Variants in MAP3K20 observed in about 807,000 individuals in gnomAD.
MAP3K20 encodes the protein mitogen-activated protein kinase kinase kinase 20.
In MAP3K20, 40 loss-of-function variants were observed where a neutral mutation model predicts 85.7. The observed-to-expected ratio is 0.47, with a 90% CI of 0.36 to 0.61. The LOEUF (loss-of-function observed/expected upper bound fraction) is 0.61. MAP3K20 is among the 20% of genes least tolerant of loss of function. The probability of loss-of-function intolerance (pLI) is 0.00; values close to 1 mark genes in which losing one functional copy is unlikely to be tolerated. For missense variants in MAP3K20, 817 were observed against 961.7 expected (o/e 0.85, Z 1.99); for synonymous variants, 325 against 327.7 (o/e 0.99, Z 0.09).
intron 2 of MAP3K20, among the ~76,000 whole-genome samples, chr2:173,144,336 A>G (rs1325361598): frequency 3.3e-5 from 5 of 151,396 alleles, no homozygotes; most frequent in South Asian, 2.1e-4. Context: ...GGTGGTGGGC[A>G]CCTGTAGTCC....
intron 2 of MAP3K20, among the ~76,000 whole-genome samples, chr2:173,142,438 C>T (rs1456812002): frequency 6.6e-6 from 1 of 151,338 alleles, no homozygotes; most frequent in Non-Finnish European, 1.5e-5. Flanking sequence ...TGCCACTGCA[C>T]TCCAGCCTGG....
intron 2 of MAP3K20, among the ~76,000 whole-genome samples, chr2:173,155,502 T>C (rs1014898248): frequency 2.6e-5 from 4 of 152,156 alleles, no homozygotes; most frequent in Admixed American, 2.6e-4. Context: ...GTTGGGTGAA[T>C]GTTGAATGGA....
chr2:173,232,496 C>G, intron 14 of MAP3K20, 37 bp downstream of exon 14: 2 of 1,600,892 alleles, frequency 1.2e-6, no homozygotes, highest in Non-Finnish European at 1.7e-6. Context: ...TCAGCAAACC[C>G]TTTTTTTGTT....
intron 2 of MAP3K20, among the ~76,000 whole-genome samples, chr2:173,128,833 T>A (rs1046296935): frequency 6.6e-6 from 1 of 151,958 alleles, no homozygotes; most frequent in Admixed American, 6.6e-5. Flanking sequence ...GTGGTAATTT[T>A]AAAATTTAAA....
At chr2:173,211,254 A>G (rs1683883266) in intron 10 of MAP3K20, 1 of 152,084 alleles carries the variant, frequency 6.6e-6, no homozygotes, top group African/African-American at 2.4e-5. Flanking sequence ...CAGAGCAAGA[A>G]TCATTCTCAA....
chr2:173,139,474 G>A (rs3769187), intron 2 of MAP3K20, among the ~76,000 whole-genome samples: 40,800 of 151,964 alleles, frequency 0.27, 6,727 homozygotes, highest in Non-Finnish European at 0.37. Flanking sequence ...TGCTTGTTTG[G>A]ACCAAGGATA....
intron 2 of MAP3K20, among the ~76,000 whole-genome samples, chr2:173,093,214 C>A (rs1353084462): frequency 2.6e-5 from 4 of 152,124 alleles, no homozygotes; most frequent in African/African-American, 4.8e-5. Context: ...TGGCTTCTGG[C>A]TAGGTGTTTT....
chr2:173,236,460 C>T (rs1304802372), intron 14 of MAP3K20, among the ~76,000 whole-genome samples: 1 of 152,018 alleles, frequency 6.6e-6, no homozygotes, highest in Non-Finnish European at 1.5e-5. Context: ...AGGGTCTGCC[C>T]AGAGCTCCAA....
chr2:173,164,911 G>A (rs954242066), intron 2 of MAP3K20, among the ~76,000 whole-genome samples: 2 of 152,048 alleles, frequency 1.3e-5, no homozygotes, highest in Admixed American at 6.6e-5. Context: ...AAATACTCAC[G>A]ACCTCCCAGG....
intron 11 of MAP3K20, among the ~76,000 whole-genome samples, chr2:173,219,644 T>C (rs917388859): frequency 6.6e-6 from 1 of 152,242 alleles, no homozygotes; most frequent in Non-Finnish European, 1.5e-5. Flanking sequence ...GTAATTGTTT[T>C]CTTCCATATA....
chr2:173,169,513 G>C (rs1276866676), intron 2 of MAP3K20, among the ~76,000 whole-genome samples: 1 of 151,602 alleles, frequency 6.6e-6, no homozygotes, highest in Admixed American at 6.6e-5. Context: ...TTGAGCCCAA[G>C]AGTTCGAGAT....
intron 11 of MAP3K20, chr2:173,224,100 A>C: frequency 2.3e-6 from 2 of 855,134 alleles, no homozygotes; most frequent in Non-Finnish European, 2.8e-6. Flanking sequence ...AATAAAGCAA[A>C]TGCATCATAT....
At position 173,095,944 on chromosome 2, in the gene MAP3K20, G is replaced by A. The variant is rs779289219; in HGVS notation, c.159+4754G>A. ...TGATGATTTTACATTTCTTTTCCCC[G>A]CAACATTTTATTGTGAAAAATTTCA... On this transcript the variant is annotated intron_variant, in intron 2 of 19. Transcript: ENST00000375213. Among the ~76,000 whole-genome samples, 5 of 151,844 alleles carry A rather than the reference G, an allele frequency of 3.3e-5. No individual in the cohort carries two copies. In the East Asian group the frequency reaches 5.8e-4, roughly 18 times the overall value.
rs553458941 is a variant in MAP3K20, at chr2:173,160,812, T to C, written c.160-8993T>C. Among the ~76,000 whole-genome samples, 5 of 152,304 alleles carry C rather than the reference T, an allele frequency of 3.3e-5. No homozygotes were observed. The East Asian group carries it at 9.6e-4, about 29-fold the overall frequency. ...TGAGGAGACCCTGGTTCTTTTGTTG[T>C]GGATATTTATGATACTGGCCCTGGC... On this transcript the variant is annotated intron_variant, in intron 2 of 19. Transcript: ENST00000375213.
intron 2 of MAP3K20, among the ~76,000 whole-genome samples, chr2:173,132,614 G>A (rs1289975769): frequency 6.6e-6 from 1 of 152,160 alleles, no homozygotes; most frequent in Non-Finnish European, 1.5e-5. Context: ...GTCTTCAGTT[G>A]CTTTTTGTAA....
intron 2 of MAP3K20, among the ~76,000 whole-genome samples, chr2:173,100,856 T>G (rs1458231855): frequency 6.6e-6 from 1 of 152,216 alleles, no homozygotes; most frequent in Non-Finnish European, 1.5e-5. Context: ...ATCATTTTAT[T>G]TGATAATGAA....
intron 2 of MAP3K20, among the ~76,000 whole-genome samples, chr2:173,160,659 G>T (rs1414691639): frequency 6.6e-6 from 1 of 152,174 alleles, no homozygotes; most frequent in East Asian, 1.9e-4. Flanking sequence ...TAGCTGTTTT[G>T]ACGTTATAGA....
chr2:173,259,013 T>C (rs1685226358), intron 17 of MAP3K20, among the ~76,000 whole-genome samples, 198 bp downstream of exon 17: 1 of 152,250 alleles, frequency 6.6e-6, no homozygotes, highest in Admixed American at 6.5e-5. Context: ...TTATGCTGTG[T>C]GAACTAAAAA....
At chr2:173,238,347 A>G (rs1684700464) in intron 14 of MAP3K20, 26 bp from the exon 15 acceptor site, 2 of 1,590,314 alleles carry the variant, frequency 1.3e-6, no homozygotes, top group South Asian at 1.1e-5. Context: ...TGGATCATTA[A>G]TAAAGTCATA....
Sources: gnomAD v4.1 joint callset for allele counts (sites outside exome capture counted in the v4.1 genomes callset) on GRCh38, gnomAD v4.1.1 for gene constraint, MANE v1.5 for transcripts, NCBI Gene and HGNC (gene_info 2026-07-23, HGNC 2026-07-21) for gene names.